SMAD3: variants seen among roughly 807,000 people sequenced by gnomAD.
SMAD3 encodes MAD homolog 3.
Under a neutral mutation model 51.8 loss-of-function variants are expected in SMAD3, and 12 were observed. The observed-to-expected ratio is 0.23, with a 90% CI of 0.15 to 0.38. SMAD3 has a LOEUF of 0.38. SMAD3 is among the 10% of genes least tolerant of loss of function. The pLI, the probability that SMAD3 is intolerant of heterozygous loss-of-function variation, is 1.00. For missense variants in SMAD3, 294 were observed against 565.6 expected, an observed-to-expected ratio of 0.52 and a Z score of 4.87; for synonymous variants, 238 against 227.7, an observed-to-expected ratio of 1.05 and a Z score of -0.41.
chr15:67,126,146 T>C (rs1009905890), intron 1 of SMAD3, among the ~76,000 whole-genome samples: 11 of 152,194 alleles, frequency 7.2e-5, no homozygotes, highest in African/African-American at 2.4e-4. Flanking sequence ...TGTTTGAGAA[T>C]GTGCACAGCT....
chr15:67,098,504 C>T (rs1960669234), intron 1 of SMAD3: 1 of 265,808 alleles, frequency 3.8e-6, no homozygotes, highest in African/African-American at 2.1e-5. Context: ...AAAGGCCTAT[C>T]TCAACATAGC....
chr15:67,185,437 CAG>C (rs1963198709), intron 7 of SMAD3, among the ~76,000 whole-genome samples: 1 of 152,166 alleles, frequency 6.6e-6, no homozygotes, highest in East Asian at 1.9e-4. Flanking sequence ...GCATTCTAGA[CAG>C]GGGGAGCAGC....
In SMAD3 at chr15:67,138,142, ACTCGT is replaced by A. The variant is rs1961714663; in HGVS notation, c.207-26749_207-26745del. On this transcript the variant is annotated intron_variant, in intron 1 of 8. Transcript: ENST00000327367. ...GGGACATGTCTTTTCTCTTTCTTGA[ACTCGT>A]CTCCCCACCCGTCCACAGGGTTGCT... 3.4e-6 allele frequency: 5 copies of A among 1,449,334 alleles called. No individual in the cohort carries two copies. The East Asian group carries it at 1.2e-4, about 36-fold the overall frequency. 89.8% of individuals were successfully genotyped at this position (1,449,334 alleles called of 1,614,324 possible).
At position 67,165,358 on chromosome 15, in the gene SMAD3, G is replaced by A. The variant is rs772034969; in HGVS notation, c.506G>A (p.Gly169Asp). 1.9e-6 allele frequency: 3 copies of A among 1,614,096 alleles called. No homozygotes were observed. The highest frequency in any genetic ancestry group is 2.5e-6 in the Non-Finnish European group (3 of 1,180,040). ...SIPENTNFPAGIEPQSNIPET... is the reference protein window; with the variant it reads ...SIPENTNFPADIEPQSNIPET... ...CCCGAAAACACTAACTTCCCCGCAG[G>A]CATCGAGCCCCAGAGCAATATTCCA... Residue 169 changes from glycine (G) to aspartate (D), a missense_variant, in exon 3 of 9, where the codon GGC becomes GAC. Gly to Asp is a moderately conservative substitution (Grantham distance 94). Coordinates refer to ENST00000327367, the MANE Select transcript of SMAD3 (RefSeq NM_005902.4).
chr15:67,156,184 G>A (rs1443428086), intron 1 of SMAD3, among the ~76,000 whole-genome samples: 1 of 152,154 alleles, frequency 6.6e-6, no homozygotes, highest in African/African-American at 2.4e-5. Context: ...GCAACCCCAA[G>A]ATCTAAAACA....
intron 1 of SMAD3, among the ~76,000 whole-genome samples, chr15:67,080,171 T>C (rs1053242756): frequency 1.3e-5 from 2 of 152,220 alleles, no homozygotes; most frequent in African/African-American, 4.8e-5. Flanking sequence ...CGCCAGCTCA[T>C]GTGCTGTTGC....
intron 1 of SMAD3, among the ~76,000 whole-genome samples, chr15:67,139,879 G>A (rs1323372685): frequency 1.3e-5 from 2 of 152,116 alleles, no homozygotes; most frequent in African/African-American, 4.8e-5. Context: ...AGCACTTTGG[G>A]AGGCCGAGGT....
At chr15:67,086,926 G>A (rs1007725223) in intron 1 of SMAD3, among the ~76,000 whole-genome samples, 58 of 144,964 alleles carry the variant, frequency 4.0e-4, no homozygotes, top group Non-Finnish European at 5.7e-4. Flanking sequence ...ACGGAGTTTC[G>A]CTCTTGTTGC....
intron 1 of SMAD3, among the ~76,000 whole-genome samples, chr15:67,096,472 C>T (rs1960617552): frequency 6.6e-6 from 1 of 152,046 alleles, no homozygotes; most frequent in Non-Finnish European, 1.5e-5. Flanking sequence ...TGGCATCACA[C>T]AATATAAATA....
intron 7 of SMAD3, 37 bp downstream of exon 7, chr15:67,184,901 C>T (rs776999125): frequency 6.2e-7 from 1 of 1,611,682 alleles, no homozygotes; most frequent in Non-Finnish European, 8.5e-7. Context: ...CCTTGAGGTC[C>T]CTCTCCGAGT....
chr15:67,121,495 C>T (rs567058217), intron 1 of SMAD3, among the ~76,000 whole-genome samples: 98 of 152,248 alleles, frequency 6.4e-4, no homozygotes, highest in African/African-American at 2.3e-3. Flanking sequence ...GGGGTGGCTG[C>T]CTGGGAGGAC....
Position 67,142,822 on chromosome 15 carries a change from G to T in SMAD3, c.207-22073G>T, listed in dbSNP as rs779488929. 2.2e-5 allele frequency: 10 copies of T among 453,676 alleles called. 1 individual carries two copies. The highest frequency in any genetic ancestry group is 1.1e-4 in the South Asian group (7 of 64,202). The allele number at this position is 453,676 out of a possible 1,614,324, so 28.1% of individuals were successfully genotyped here. A position where few individuals can be genotyped will look rare whatever the true frequency, so the allele number is the denominator to read the frequency against. On this transcript the variant is annotated intron_variant, in intron 1 of 8. Coordinates refer to ENST00000327367, the MANE Select transcript of SMAD3 (RefSeq NM_005902.4). ...TTGTGATGTTTGTGATAAGGGCCCTGTGGGGCAGCTGGTGGGCACCCCATG... is the reference window on the plus strand; with the variant it reads ...TTGTGATGTTTGTGATAAGGGCCCTTTGGGGCAGCTGGTGGGCACCCCATG...
At chr15:67,143,074 T>C (rs1438312133) in intron 1 of SMAD3, 3 of 217,430 alleles carry the variant, frequency 1.4e-5, no homozygotes, top group African/African-American at 2.3e-5. Flanking sequence ...TGACCCACCT[T>C]GGGATGCTTT....
intron 1 of SMAD3, among the ~76,000 whole-genome samples, chr15:67,156,134 CAT>C (rs778726340): frequency 1.6e-4 from 24 of 152,176 alleles, no homozygotes; most frequent in South Asian, 8.3e-4. Context: ...GTTCTGGGAA[CAT>C]GTGTGTATGT....
chr15:67,106,923 A>G (rs1960891462), intron 1 of SMAD3, among the ~76,000 whole-genome samples: 1 of 152,146 alleles, frequency 6.6e-6, no homozygotes, highest in Non-Finnish European at 1.5e-5. Flanking sequence ...GAACGGTGGT[A>G]TCAAAACATA....
intron 1 of SMAD3, among the ~76,000 whole-genome samples, chr15:67,104,924 C>T (rs1377927040): frequency 1.3e-5 from 2 of 152,254 alleles, no homozygotes; most frequent in Non-Finnish European, 2.9e-5. Flanking sequence ...TGTCTGGGGA[C>T]AGACACCGTG....
intron 1 of SMAD3, among the ~76,000 whole-genome samples, chr15:67,090,256 G>A (rs552591962): frequency 2.5e-4 from 38 of 152,300 alleles, no homozygotes; most frequent in African/African-American, 7.7e-4. Context: ...GGTGGGAAGA[G>A]CAGGGAGTCT....
chr15:67,140,145 G>T, intron 1 of SMAD3, among the ~76,000 whole-genome samples: 1 of 151,602 alleles, frequency 6.6e-6, no homozygotes, highest in Non-Finnish European at 1.5e-5. Context: ...AGAAAGAAAA[G>T]TGAATGTGTT....
chr15:67,142,913 G>C (rs554208343), intron 1 of SMAD3: 34 of 440,034 alleles, frequency 7.7e-5, no homozygotes, highest in African/African-American at 6.7e-4. Flanking sequence ...CATACCCGTC[G>C]GCTCACTCCT....
Sources: allele counts gnomAD v4.1 joint callset (sites outside exome capture counted in the v4.1 genomes callset), GRCh38; gene constraint gnomAD v4.1.1; transcripts MANE v1.5; gene names NCBI Gene and HGNC (gene_info 2026-07-23, HGNC 2026-07-21).